The following RAB3GAP1 variants were observed in gnomAD, a reference collection of about 807,000 sequenced individuals.
The protein encoded by RAB3GAP1 is rab3 GTPase-activating protein catalytic subunit.
A neutral mutation model predicts 130.7 loss-of-function variants in RAB3GAP1; 86 were observed. That is an observed-to-expected ratio of 0.66 (90% CI 0.55 to 0.79). The LOEUF is 0.79. Among genes scored for constraint, RAB3GAP1 ranks in the 30% least tolerant of loss-of-function variants. RAB3GAP1 has a pLI of 0.00. For missense variants in RAB3GAP1, 1,029 were observed against 1,169.4 expected (o/e 0.88, Z 1.75); for synonymous variants, 367 against 401.7 (o/e 0.91, Z 1.03).
intron 5 of RAB3GAP1, among the ~76,000 whole-genome samples, chr2:135,109,748 A>T (rs1352405207): frequency 1.3e-5 from 2 of 151,582 alleles, no homozygotes; most frequent in Admixed American, 6.6e-5. Context: ...CGCCCAGCTA[A>T]TTTTTTTGTA....
chr2:135,106,046 A>T (rs1294977320), intron 5 of RAB3GAP1, among the ~76,000 whole-genome samples: 1 of 145,224 alleles, frequency 6.9e-6, no homozygotes, highest in African/African-American at 2.6e-5. Flanking sequence ...CAGCCGCCCC[A>T]TCTGGGAAGT....
At chr2:135,129,110 C>T (rs890283631) in intron 11 of RAB3GAP1, among the ~76,000 whole-genome samples, 1 of 152,168 alleles carries the variant, frequency 6.6e-6, no homozygotes, top group African/African-American at 2.4e-5. Context: ...CATGATCGTG[C>T]CACTGCACTC....
chr2:135,151,745 A>AT lies in RAB3GAP1; in HGVS notation c.2061+1239_2061+1240insT, dbSNP rs528454747. On this transcript the variant is annotated intron_variant, in intron 18 of 23. Transcript: ENST00000264158. ...AAAGGTAGAGAAGGGAATTGGCTTA[A>AT]GGTGTGTGTGCACAGCAGGAAATAC... is the stretch of plus-strand genomic sequence containing the variant. 5.3e-5 allele frequency among the ~76,000 whole-genome samples: 8 copies of AT among 152,372 alleles called. No homozygotes were observed. The South Asian group carries it at 1.7e-3, about 32-fold the overall frequency.
At chr2:135,089,417 G>A (rs1690078068) in intron 3 of RAB3GAP1, among the ~76,000 whole-genome samples, 3 of 150,912 alleles carry the variant, frequency 2.0e-5, no homozygotes, top group Admixed American at 2.0e-4. Context: ...TTCTAATTCT[G>A]TGAAGAAAGC....
chr2:135,075,950 C>A (rs1412275761), intron 3 of RAB3GAP1, among the ~76,000 whole-genome samples: 1 of 140,930 alleles, frequency 7.1e-6, no homozygotes, highest in Admixed American at 7.5e-5. Context: ...CTCACTCTGT[C>A]GCCAGGCTGT....
rs1690131033 is a variant in RAB3GAP1, at chr2:135,091,121, T to A, written c.274T>A (p.Leu92Ile). The A allele has an allele frequency of 6.3e-7, 1 of 1,587,892 alleles. No individual in the cohort carries two copies. Among genetic ancestry groups the A allele is most frequent in the Admixed American group, 1.7e-5 (1 of 59,918 alleles). The change falls in exon 4 of 24, where the codon TTA becomes ATA. Residue 92 changes from leucine to isoleucine, a missense_variant. By Grantham distance (5) the Leu-to-Ile change is conservative. Transcript: ENST00000264158. ...ESTDKEGKDE[L>I]LEDVVPQSMQ... ...CACTGATAAAGAAGGAAAGGATGAG[T>A]TATTAGAGGGTAAGTTATTTCTATA...
In RAB3GAP1 at chr2:135,150,419, A is replaced by G. The variant is rs1294746917; in HGVS notation, c.1974A>G (p.Leu658=). 1 of 1,614,088 alleles carries G rather than the reference A, an allele frequency of 6.2e-7. No individual in the cohort carries two copies. The highest frequency in any genetic ancestry group is 8.5e-7 in the Non-Finnish European group (1 of 1,180,044). The part of the protein sequence containing the change: ...EDLLEEQSEV[L]AKLGTSAEGA... ...TGCTAGAAGAGCAGTCTGAAGTTTT[A>G]GCTAAATTAGGTACATCGGCAGAGG... Residue 658 remains leucine (L), a synonymous_variant, in exon 18 of 24, where the codon TTA becomes TTG. Transcript: ENST00000264158.
chr2:135,117,630 G>GCTTCTGCTTCTT (rs1691045484), intron 7 of RAB3GAP1, among the ~76,000 whole-genome samples: 1 of 17,436 alleles, frequency 5.7e-5, no homozygotes, highest in Non-Finnish European at 1.4e-4. Context: ...TGCTTCTTCT[G>GCTTCTGCTTCTT]CTTCTGCTTC....
chr2:135,148,529 C>T (rs1349915107), intron 17 of RAB3GAP1, among the ~76,000 whole-genome samples: 1 of 138,286 alleles, frequency 7.2e-6, no homozygotes, highest in East Asian at 2.1e-4. Context: ...GGGATTCTCA[C>T]TGTTACCGAG....
intron 11 of RAB3GAP1, among the ~76,000 whole-genome samples, chr2:135,128,235 A>G (rs1157006330): frequency 1.3e-5 from 2 of 152,196 alleles, no homozygotes; most frequent in Non-Finnish European, 2.9e-5. Flanking sequence ...TGTTAGGGCA[A>G]CAGTATAGGG....
intron 17 of RAB3GAP1, among the ~76,000 whole-genome samples, chr2:135,148,958 C>T (rs907827275): frequency 6.6e-6 from 1 of 152,110 alleles, no homozygotes; most frequent in African/African-American, 2.4e-5. Context: ...AATTCCCTTA[C>T]CCCTCTCAGT....
intron 17 of RAB3GAP1, among the ~76,000 whole-genome samples, chr2:135,148,939 C>T (rs994016819): frequency 4.6e-5 from 7 of 152,116 alleles, no homozygotes; most frequent in African/African-American, 1.7e-4. Flanking sequence ...TCATTTTCAT[C>T]ACTTGCAAAA....
intron 7 of RAB3GAP1, among the ~76,000 whole-genome samples, chr2:135,117,553 C>G: frequency 7.9e-6 from 1 of 126,386 alleles, no homozygotes; most frequent in Non-Finnish European, 1.8e-5. Context: ...GCTTCTTCTT[C>G]TTCTGCTTCT....
At chr2:135,151,599 A>G (rs1156668945) in intron 18 of RAB3GAP1, among the ~76,000 whole-genome samples, 1 of 152,238 alleles carries the variant, frequency 6.6e-6, no homozygotes. Flanking sequence ...CTAAAATGAT[A>G]CAGAAAATCT....
chr2:135,130,070 TTGAGGAAGAAGGCAAAGGTAACC>T lies in RAB3GAP1; in HGVS notation c.1051_1066+7del. On this transcript the variant is annotated splice_donor_variant and splice_donor_5th_base_variant and coding_sequence_variant and intron_variant, in exon 12 of 24. Transcript: ENST00000264158. LOFTEE classifies it high-confidence loss of function. ...GATGAGATTCTTGGACGATCTGCAT[TTGAGGAAGAAGGCAAAGGTAACC>T]TACATTTTTTTTTAACATTACTTTC... is the stretch of plus-strand genomic sequence containing the variant. 1 of 1,613,140 alleles carries T rather than the reference TTGAGGAAGAAGGCAAAGGTAACC, an allele frequency of 6.2e-7. No individual in the cohort carries two copies. The highest frequency in any genetic ancestry group is 8.5e-7 in the Non-Finnish European group (1 of 1,179,294).
At chr2:135,071,603 C>G (rs1478833479) in intron 3 of RAB3GAP1, among the ~76,000 whole-genome samples, 1 of 151,760 alleles carries the variant, frequency 6.6e-6, no homozygotes, top group East Asian at 1.9e-4. Context: ...GCAAGTGCAG[C>G]ACAACAGAAA....
chr2:135,116,799 T>G (rs551247989), intron 7 of RAB3GAP1, among the ~76,000 whole-genome samples: 1 of 152,304 alleles, frequency 6.6e-6, no homozygotes, highest in Non-Finnish European at 1.5e-5. Flanking sequence ...TTAATAATTA[T>G]GAACTCCGTG....
chr2:135,073,579 C>G (rs905051018), intron 3 of RAB3GAP1, among the ~76,000 whole-genome samples: 3 of 152,158 alleles, frequency 2.0e-5, no homozygotes, highest in African/African-American at 7.2e-5. Context: ...TTCTAGTGGC[C>G]TGGCCTTCTG....
intron 4 of RAB3GAP1, among the ~76,000 whole-genome samples, chr2:135,091,733 CA>C (rs1690149108): frequency 6.6e-6 from 1 of 152,094 alleles, no homozygotes; most frequent in African/African-American, 2.4e-5. Context: ...AGAAATTGTA[CA>C]TAAGCAAGTA....
Sources: allele counts gnomAD v4.1 joint callset (sites outside exome capture counted in the v4.1 genomes callset), GRCh38; gene constraint gnomAD v4.1.1; transcripts MANE v1.5; gene names NCBI Gene and HGNC (gene_info 2026-07-23, HGNC 2026-07-21).